The following COBL variants were observed in gnomAD, a reference collection of about 807,000 sequenced individuals.
COBL encodes the protein protein cordon-bleu.
In COBL, 51 loss-of-function variants were observed where a neutral mutation model predicts 98.8. The ratio of observed to expected loss-of-function variants is 0.52; its 90% CI spans 0.41 to 0.65. The LOEUF (loss-of-function observed/expected upper bound fraction) is 0.65, where lower values mean the gene tolerates loss of function less well. Ranked by LOEUF, COBL falls within the 30% of genes least tolerant of loss-of-function variation. COBL has a pLI of 0.00. For missense variants in COBL, 1,617 were observed against 1,617.5 expected, an observed-to-expected ratio of 1.00 and a Z score of 0.01; for synonymous variants, 634 against 651.7, an observed-to-expected ratio of 0.97 and a Z score of 0.41.
chr7:51,113,260 A>G (rs117316477), intron 6 of COBL, among the ~76,000 whole-genome samples: 1 of 152,366 alleles, frequency 6.6e-6, no homozygotes, highest in Non-Finnish European at 1.5e-5. Context: ...ACTACTCAGA[A>G]TATATGAAGG....
chr7:51,131,964 G>A lies in COBL; in HGVS notation c.957+4194C>T, dbSNP rs150045217. On this transcript the variant is annotated intron_variant, in intron 6 of 12. Coordinates refer to ENST00000265136, the MANE Select transcript of COBL (RefSeq NM_015198.5). Reference sequence around the variant, plus strand: ...CTCTCTTCTCTAGAATCCTCAGAAGGTATGGAATAGTGAGTAGGGTGTTTG... The same window carrying A: ...CTCTCTTCTCTAGAATCCTCAGAAGATATGGAATAGTGAGTAGGGTGTTTG... Among the ~76,000 whole-genome samples, 11 of 152,308 alleles carry A rather than the reference G, an allele frequency of 7.2e-5. No individual in the cohort carries two copies. The East Asian group carries it at 2.1e-3, about 29-fold the overall frequency.
intron 6 of COBL, among the ~76,000 whole-genome samples, chr7:51,134,362 A>G (rs1178076409): frequency 6.6e-6 from 1 of 152,242 alleles, no homozygotes; most frequent in African/African-American, 2.4e-5. Flanking sequence ...TTACTGCCTC[A>G]GAGGAAACTC....
chr7:51,176,004 GGACCTTGTATACA>G (rs1186782128), intron 5 of COBL, among the ~76,000 whole-genome samples: 3 of 152,158 alleles, frequency 2.0e-5, no homozygotes, highest in African/African-American at 7.2e-5. Context: ...TCCTCAGTCT[GGACCTTGTATACA>G]GACGGTCAGC....
At chr7:51,058,038 A>C (rs1790942994) in intron 7 of COBL, among the ~76,000 whole-genome samples, 1 of 152,234 alleles carries the variant, frequency 6.6e-6, no homozygotes. Flanking sequence ...AGGAAAACAC[A>C]AACATTTGGA....
At chr7:51,055,098 G>T (rs1443732555) in intron 7 of COBL, among the ~76,000 whole-genome samples, 1 of 152,150 alleles carries the variant, frequency 6.6e-6, no homozygotes, top group Non-Finnish European at 1.5e-5. Flanking sequence ...GCTACTGCAC[G>T]CATCCCCAGC....
chr7:51,138,523 C>T (rs1215970930), intron 5 of COBL, among the ~76,000 whole-genome samples: 1 of 152,148 alleles, frequency 6.6e-6, no homozygotes, highest in South Asian at 2.1e-4. Flanking sequence ...ACCCCCAGAT[C>T]CAGGGGGAAT....
chr7:51,272,602 T>C (rs1332129613), intron 1 of COBL, among the ~76,000 whole-genome samples: 1 of 152,204 alleles, frequency 6.6e-6, no homozygotes, highest in East Asian at 1.9e-4. Context: ...AAGAGACTAA[T>C]CCATGGCTCT....
At chr7:51,083,733 G>GT (rs1483949734) in intron 7 of COBL, among the ~76,000 whole-genome samples, 25 of 152,168 alleles carry the variant, frequency 1.6e-4, no homozygotes, top group African/African-American at 5.5e-4. Context: ...CCCTTTGGTT[G>GT]TTTAGAATAA....
At chr7:51,295,334 A>T (rs1801327513) in intron 1 of COBL, among the ~76,000 whole-genome samples, 2 of 151,858 alleles carry the variant, frequency 1.3e-5, no homozygotes, top group South Asian at 4.2e-4. Flanking sequence ...GTAGCAAACC[A>T]CCATGGCACA....
chr7:51,313,497 C>T (rs192067880), intron 1 of COBL, among the ~76,000 whole-genome samples: 1 of 152,260 alleles, frequency 6.6e-6, no homozygotes, highest in East Asian at 1.9e-4. Context: ...CACATTTTGA[C>T]GAAACTGATT....
intron 1 of COBL, among the ~76,000 whole-genome samples, chr7:51,236,555 T>C (rs1308216597): frequency 1.3e-5 from 2 of 152,144 alleles, no homozygotes; most frequent in African/African-American, 4.8e-5. Flanking sequence ...TTGCTTGGTG[T>C]TCTCATCAGC....
intron 2 of COBL, among the ~76,000 whole-genome samples, chr7:51,211,190 C>T (rs1164632391): frequency 2.0e-5 from 3 of 152,228 alleles, no homozygotes; most frequent in Non-Finnish European, 4.4e-5. Flanking sequence ...CTCTCCTCCT[C>T]ACCACCTCTG....
At chr7:51,218,286 G>A (rs888406153) in intron 2 of COBL, among the ~76,000 whole-genome samples, 2 of 152,170 alleles carry the variant, frequency 1.3e-5, no homozygotes, top group Admixed American at 1.3e-4. Flanking sequence ...ATTTGATAAA[G>A]TAACAAAATA....
At chr7:51,310,877 C>T (rs1802961233) in intron 1 of COBL, among the ~76,000 whole-genome samples, 1 of 151,834 alleles carries the variant, frequency 6.6e-6, no homozygotes, top group Non-Finnish European at 1.5e-5. Flanking sequence ...AGGATGGTCT[C>T]GATCTCTTGA....
At chr7:51,097,820 G>A (rs1171016295) in intron 6 of COBL, among the ~76,000 whole-genome samples, 4 of 152,102 alleles carry the variant, frequency 2.6e-5, no homozygotes, top group Non-Finnish European at 5.9e-5. Flanking sequence ...TCAGCAGATC[G>A]AGACCATCCT....
chr7:51,311,410 C>A (rs1310701949), intron 1 of COBL, among the ~76,000 whole-genome samples: 2 of 152,192 alleles, frequency 1.3e-5, no homozygotes, highest in African/African-American at 2.4e-5. Context: ...CTGTTGGAAA[C>A]CCATTGTCTA....
At chr7:51,160,096 T>C (rs1786639082) in intron 5 of COBL, among the ~76,000 whole-genome samples, 1 of 152,180 alleles carries the variant, frequency 6.6e-6, no homozygotes, top group Non-Finnish European at 1.5e-5. Context: ...TTTGCCATAT[T>C]GGTCAGGCTG....
chr7:51,233,158 C>G (rs1011808945), intron 1 of COBL, among the ~76,000 whole-genome samples: 1 of 152,152 alleles, frequency 6.6e-6, no homozygotes, highest in African/African-American at 2.4e-5. Context: ...TGGGGCATAA[C>G]AGGCATCTAA....
At chr7:51,106,667 C>T (rs1583814377) in intron 6 of COBL, among the ~76,000 whole-genome samples, 1 of 152,202 alleles carries the variant, frequency 6.6e-6, no homozygotes, top group Non-Finnish European at 1.5e-5. Flanking sequence ...CCATCAAATG[C>T]TGATGCCTTA....
Sources: allele counts gnomAD v4.1 joint callset (sites outside exome capture counted in the v4.1 genomes callset), GRCh38; gene constraint gnomAD v4.1.1; transcripts MANE v1.5; gene names NCBI Gene and HGNC (gene_info 2026-07-23, HGNC 2026-07-21).